OR1L3: variants seen among roughly 807,000 people sequenced by gnomAD.
OR1L3 encodes olfactory receptor family 1 subfamily L member 3, also known as olfactory receptor 1L3.
For missense variants in OR1L3, 374 were observed against 386.4 expected, an observed-to-expected ratio of 0.97 and a Z score of 0.27; for synonymous variants, 137 against 144.5, an observed-to-expected ratio of 0.95 and a Z score of 0.37.
chr9:122,676,008 CAA>C lies in OR1L3; in HGVS notation c.881_882del (p.Lys294ArgfsTer14), dbSNP rs1564233439. 1 of 1,613,776 alleles carries C rather than the reference CAA, an allele frequency of 6.2e-7. No homozygotes were observed. The highest frequency in any genetic ancestry group is 1.7e-5 in the Admixed American group (1 of 59,900). ...ACCCATTTATCTACAGTTTAAGAAA[CAA>C]AGACATGAAACGGGGCTTACAGAAA... ...LNPFIYSLRN[K>X]DMKRGLQKLI... On this transcript the variant is annotated frameshift_variant, in exon 1 of 1. Coordinates refer to ENST00000304820, the MANE Select transcript of OR1L3 (RefSeq NM_001005234.1). LOFTEE classifies it low-confidence loss of function (END_TRUNC).
In OR1L3 at chr9:122,675,378, G is replaced by T. The variant is rs1564233074; in HGVS notation, c.249G>T (p.Val83=). 6.2e-7 allele frequency: 1 copy of T among 1,614,066 alleles called. No homozygotes were observed. The highest frequency in any genetic ancestry group is 8.5e-7 in the Non-Finnish European group (1 of 1,180,038). The stretch of plus-strand genomic sequence containing the variant: ...CAGTCATAGTCCCAAAGATGCTCGT[G>T]AACTTCTTATCAGAGAAAAAGACCA... ...YTTVIVPKML[V]NFLSEKKTIS... The change falls in exon 1 of 1, where the codon GTG becomes GTT. Residue 83 remains valine (V), a synonymous_variant. Coordinates refer to ENST00000304820, the MANE Select transcript of OR1L3 (RefSeq NM_001005234.1).
At position 122,675,754 on chromosome 9, in the gene OR1L3, G is replaced by A. The variant is rs773493784; in HGVS notation, c.625G>A (p.Ala209Thr). 6.2e-7 allele frequency: 1 copy of A among 1,613,974 alleles called. No individual in the cohort carries two copies. The highest frequency in any genetic ancestry group is 1.7e-5 in the Admixed American group (1 of 59,984). Reference protein sequence around the residue: ...AMTEGLASVMAPFVCIIISYL... With the variant: ...AMTEGLASVMTPFVCIIISYL... ...GACAGAAGGGCTGGCCTCTGTGATG[G>A]CTCCATTTGTCTGTATCATCATCTC... The change falls in exon 1 of 1, where the codon GCT (alanine) becomes ACT (threonine). Residue 209 changes from alanine (A) to threonine (T), a missense_variant. Transcript: ENST00000304820.
In OR1L3 at chr9:122,675,737, G is replaced by C; in HGVS notation, c.608G>C (p.Gly203Ala). The C allele has an allele frequency of 1.2e-6, 2 of 1,614,106 alleles. No individual in the cohort carries two copies. Among genetic ancestry groups the C allele is most frequent in the African/African-American group, 2.7e-5 (2 of 75,020 alleles). The change falls in exon 1 of 1, where the codon GGG (glycine) becomes GCG (alanine). Residue 203 changes from glycine to alanine, a missense_variant. Transcript: ENST00000304820. ...FVNEIVAMTE[G>A]LASVMAPFVC... ...AATGAAATTGTGGCCATGACAGAAG[G>C]GCTGGCCTCTGTGATGGCTCCATTT...
At position 122,675,489 on chromosome 9, in the gene OR1L3, C is replaced by T. The variant is rs1300031542; in HGVS notation, c.360C>T (p.Ile120=). The change falls in exon 1 of 1, where the codon ATC becomes ATT. Residue 120 remains isoleucine (I), a synonymous_variant. Transcript: ENST00000304820. ...GTTATCTCCTGGCGGCTATGGCCAT[C>T]AACCGCTGTGTAGCCATTTGTAACC... ...IDSYLLAAMA[I]NRCVAICNPF... 6.2e-7 allele frequency: 1 copy of T among 1,614,118 alleles called. No homozygotes were observed. The highest frequency in any genetic ancestry group is 8.5e-7 in the Non-Finnish European group (1 of 1,180,052).
chr9:122,675,442 CT>C lies in OR1L3; in HGVS notation c.314del (p.Leu105ArgfsTer6). On this transcript the variant is annotated frameshift_variant, in exon 1 of 1. Coordinates refer to ENST00000304820, the MANE Select transcript of OR1L3 (RefSeq NM_001005234.1). LOFTEE classifies it low-confidence loss of function (END_TRUNC). ...ATGTCTGGCACAGATGTATTTCTTC[CT>C]GGTTTTTGGAAACATAGATAGTTAT... ...AECLAQMYFF[L>X]VFGNIDSYLL... is the part of the protein sequence containing the mutation. The C allele has an allele frequency of 6.2e-7, 1 of 1,614,194 alleles. No individual in the cohort carries two copies. Among genetic ancestry groups the C allele is most frequent in the Non-Finnish European group, 8.5e-7 (1 of 1,180,036 alleles).
In OR1L3 at chr9:122,675,137, T is replaced by C. The variant is rs1433702011; in HGVS notation, c.8T>C (p.Met3Thr). ...TTAGGTGAGTACAAGTCCATGGGAA[T>C]GTCCAACCTGACAAGACTCTCTGAA... The part of the protein sequence containing the change: MG[M>T]SNLTRLSEFI... Residue 3 changes from methionine (M) to threonine (T), a missense_variant, in exon 1 of 1, where the codon ATG becomes ACG. Coordinates refer to ENST00000304820, the MANE Select transcript of OR1L3 (RefSeq NM_001005234.1). 6.2e-7 allele frequency: 1 copy of C among 1,600,804 alleles called. No homozygotes were observed. Among genetic ancestry groups the C allele is most frequent in the South Asian group, 1.1e-5 (1 of 87,948 alleles).
chr9:122,676,017 G>A lies in OR1L3; in HGVS notation c.888G>A (p.Met296Ile), dbSNP rs375408609. ...TCTACAGTTTAAGAAACAAAGACAT[G>A]AAACGGGGCTTACAGAAATTGATAA... ...PFIYSLRNKD[M>I]KRGLQKLINK... Residue 296 changes from methionine (M) to isoleucine (I), a missense_variant, in exon 1 of 1, where the codon ATG becomes ATA. Coordinates refer to ENST00000304820, the MANE Select transcript of OR1L3 (RefSeq NM_001005234.1). 5.6e-6 allele frequency: 9 copies of A among 1,613,496 alleles called. No homozygotes were observed. The African/African-American group carries it at 6.7e-5, about 12-fold the overall frequency.
At position 122,675,221 on chromosome 9, in the gene OR1L3, T is replaced by G; in HGVS notation, c.92T>G (p.Phe31Cys). 2 of 1,614,142 alleles carry G rather than the reference T, an allele frequency of 1.2e-6. No homozygotes were observed. The highest frequency in any genetic ancestry group is 1.7e-6 in the Non-Finnish European group (2 of 1,180,008). Residue 31 changes from phenylalanine to cysteine, a missense_variant, in exon 1 of 1, where the codon TTT (phenylalanine) becomes TGT (cysteine). Transcript: ENST00000304820. Reference protein sequence around the residue: ...SEDQRPLFALFLIIYLVTLMG... With the variant: ...SEDQRPLFALCLIIYLVTLMG... The stretch of plus-strand genomic sequence containing the variant: ...GACCAGAGGCCACTCTTTGCCCTCT[T>G]TCTTATCATATACCTGGTCACTTTG...
chr9:122,675,349 A>G lies in OR1L3; in HGVS notation c.220A>G (p.Thr74Ala), dbSNP rs768097504. ...SILSFADICYTTVIVPKMLVN... is the reference protein window; with the variant it reads ...SILSFADICYATVIVPKMLVN... ...CTTGTCCTTTGCTGATATTTGCTACACAACAGTCATAGTCCCAAAGATGCT... is the reference window on the plus strand; with the variant it reads ...CTTGTCCTTTGCTGATATTTGCTACGCAACAGTCATAGTCCCAAAGATGCT... Residue 74 changes from threonine to alanine, a missense_variant, in exon 1 of 1, where the codon ACA (threonine) becomes GCA (alanine). Thr to Ala is a moderately conservative substitution (Grantham distance 58, BLOSUM62 0). Coordinates refer to ENST00000304820, the MANE Select transcript of OR1L3 (RefSeq NM_001005234.1). 1.9e-6 allele frequency: 3 copies of G among 1,614,230 alleles called. No individual in the cohort carries two copies. Among genetic ancestry groups the G allele is most frequent in the Non-Finnish European group, 2.5e-6 (3 of 1,180,032 alleles).
Position 122,675,839 on chromosome 9 carries a change from C to T in OR1L3, c.710C>T (p.Ala237Val). The change falls in exon 1 of 1, where the codon GCC (alanine) becomes GTC (valine). Residue 237 changes from alanine (A) to valine (V), a missense_variant. Ala to Val is a moderately conservative substitution (Grantham distance 64, BLOSUM62 0). Coordinates refer to ENST00000304820, the MANE Select transcript of OR1L3 (RefSeq NM_001005234.1). The stretch of plus-strand genomic sequence containing the variant: ...CCCTCAGCAGCTGGAAAACACAAAG[C>T]CTTCTCCACCTGCAGCTCCCATCTC... ...KIPSAAGKHK[A>V]FSTCSSHLTV... 1 of 1,614,150 alleles carries T rather than the reference C, an allele frequency of 6.2e-7. No homozygotes were observed. The highest frequency in any genetic ancestry group is 8.5e-7 in the Non-Finnish European group (1 of 1,180,028).
At position 122,675,466 on chromosome 9, in the gene OR1L3, T is replaced by A; in HGVS notation, c.337T>A (p.Tyr113Asn). The A allele has an allele frequency of 6.2e-7, 1 of 1,614,254 alleles. No homozygotes were observed. Among genetic ancestry groups the A allele is most frequent in the Non-Finnish European group, 8.5e-7 (1 of 1,180,050 alleles). The change falls in exon 1 of 1, where the codon TAT (tyrosine) becomes AAT (asparagine). Residue 113 changes from tyrosine to asparagine, a missense_variant. Transcript: ENST00000304820. ...CCTGGTTTTTGGAAACATAGATAGT[T>A]ATCTCCTGGCGGCTATGGCCATCAA... ...FFLVFGNIDSYLLAAMAINRC... is the reference protein window; with the variant it reads ...FFLVFGNIDSNLLAAMAINRC...
chr9:122,675,350 C>T lies in OR1L3; in HGVS notation c.221C>T (p.Thr74Ile). 6.2e-7 allele frequency: 1 copy of T among 1,614,216 alleles called. No individual in the cohort carries two copies. Among genetic ancestry groups the T allele is most frequent in the Admixed American group, 1.7e-5 (1 of 60,028 alleles). Residue 74 changes from threonine (T) to isoleucine (I), a missense_variant, in exon 1 of 1, where the codon ACA (threonine) becomes ATA (isoleucine). Transcript: ENST00000304820. ...TTGTCCTTTGCTGATATTTGCTACA[C>T]AACAGTCATAGTCCCAAAGATGCTC... ...SILSFADICY[T>I]TVIVPKMLVN...
At position 122,675,705 on chromosome 9, in the gene OR1L3, C is replaced by T. The variant is rs1587996679; in HGVS notation, c.576C>T (p.Thr192=). 1.9e-6 allele frequency: 3 copies of T among 1,614,084 alleles called. No individual in the cohort carries two copies. Among genetic ancestry groups the T allele is most frequent in the South Asian group, 1.1e-5 (1 of 91,078 alleles). Residue 192 remains threonine, a synonymous_variant, in exon 1 of 1, where the codon ACC becomes ACT. Transcript: ENST00000304820. ...NPVLKLSCSS[T]FVNEIVAMTE... ...TGCTGAAACTGTCCTGCTCCTCCAC[C>T]TTTGTCAATGAAATTGTGGCCATGA... is the stretch of plus-strand genomic sequence containing the variant.
Position 122,675,181 on chromosome 9 carries a change from T to C in OR1L3, c.52T>C (p.Ser18Pro). The change falls in exon 1 of 1, where the codon TCC (serine) becomes CCC (proline). Residue 18 changes from serine (S) to proline (P), a missense_variant. Transcript: ENST00000304820. ...RLSEFILLGLSSRSEDQRPLF... is the reference protein window; with the variant it reads ...RLSEFILLGLPSRSEDQRPLF... Reference sequence around the variant, plus strand: ...CTCTGAATTTATTCTCTTGGGACTCTCCTCTCGGTCTGAAGACCAGAGGCC... The same window carrying C: ...CTCTGAATTTATTCTCTTGGGACTCCCCTCTCGGTCTGAAGACCAGAGGCC... 6.2e-7 allele frequency: 1 copy of C among 1,613,748 alleles called. No homozygotes were observed. Among genetic ancestry groups the C allele is most frequent in the Non-Finnish European group, 8.5e-7 (1 of 1,179,846 alleles).
rs200356415 is a variant in OR1L3, at chr9:122,675,551, G to GTT, written c.423_424insTT (p.Val142LeufsTer5). The GTT allele has an allele frequency of 1.1e-3, 1,762 of 1,614,184 alleles. 31 individuals are homozygous for GTT. In the East Asian group the frequency reaches 0.033, roughly 30 times the overall value. On this transcript the variant is annotated frameshift_variant, in exon 1 of 1. Transcript: ENST00000304820. LOFTEE classifies it low-confidence loss of function (END_TRUNC). Reference sequence around the variant, plus strand: ...GTCACTGTTATGAACCGCAGATGCTGTGTGTTGCTACTAGCATTCCCCATC... The same window carrying GTT: ...GTCACTGTTATGAACCGCAGATGCTGTTTGTGTTGCTACTAGCATTCCCCATC...
chr9:122,675,936 G>A lies in OR1L3; in HGVS notation c.807G>A (p.Lys269=). 6.2e-7 allele frequency: 1 copy of A among 1,614,082 alleles called. No individual in the cohort carries two copies. Among genetic ancestry groups the A allele is most frequent in the Non-Finnish European group, 8.5e-7 (1 of 1,180,006 alleles). The part of the protein sequence containing the change: ...YLQPLSSYTV[K]DRIATINYTV... The stretch of plus-strand genomic sequence containing the variant: ...AGCCTTTGTCCAGCTATACTGTCAA[G>A]GACCGAATAGCAACAATCAACTACA... Residue 269 remains lysine, a synonymous_variant, in exon 1 of 1, where the codon AAG becomes AAA. Transcript: ENST00000304820.
rs1399740142 is a variant in OR1L3, at chr9:122,675,192, T to C, written c.63T>C (p.Ser21=). ...TTCTCTTGGGACTCTCCTCTCGGTC[T>C]GAAGACCAGAGGCCACTCTTTGCCC... ...EFILLGLSSR[S]EDQRPLFALF... Residue 21 remains serine (S), a synonymous_variant, in exon 1 of 1, where the codon TCT becomes TCC. Coordinates refer to ENST00000304820, the MANE Select transcript of OR1L3 (RefSeq NM_001005234.1). 1 of 1,613,986 alleles carries C rather than the reference T, an allele frequency of 6.2e-7. No individual in the cohort carries two copies. Among genetic ancestry groups the C allele is most frequent in the East Asian group, 2.2e-5 (1 of 44,880 alleles).
Position 122,675,820 on chromosome 9 carries a change from G to A in OR1L3, c.691G>A (p.Ala231Thr). 1 of 1,614,064 alleles carries A rather than the reference G, an allele frequency of 6.2e-7. No homozygotes were observed. The highest frequency in any genetic ancestry group is 8.5e-7 in the Non-Finnish European group (1 of 1,180,006). The change falls in exon 1 of 1, where the codon GCA becomes ACA. Residue 231 changes from alanine (A) to threonine (T), a missense_variant. Transcript: ENST00000304820. ...CATCGCTGTTCTCAAGATTCCCTCA[G>A]CAGCTGGAAAACACAAAGCCTTCTC... The part of the protein sequence containing the change: ...ILIAVLKIPS[A>T]AGKHKAFSTC...
Position 122,675,158 on chromosome 9 carries a change from C to T in OR1L3, c.29C>T (p.Ser10Phe). The T allele has an allele frequency of 1.2e-6, 2 of 1,610,320 alleles. No individual in the cohort carries two copies. Among genetic ancestry groups the T allele is most frequent in the Non-Finnish European group, 8.5e-7 (1 of 1,178,538 alleles). ...GGAATGTCCAACCTGACAAGACTCTCTGAATTTATTCTCTTGGGACTCTCC... is the reference window on the plus strand; with the variant it reads ...GGAATGTCCAACCTGACAAGACTCTTTGAATTTATTCTCTTGGGACTCTCC... The part of the protein sequence containing the change: MGMSNLTRL[S>F]EFILLGLSSR... Residue 10 changes from serine (S) to phenylalanine (F), a missense_variant, in exon 1 of 1, where the codon TCT (serine) becomes TTT (phenylalanine). Transcript: ENST00000304820.
Sources: gnomAD v4.1 joint callset for allele counts on GRCh38, gnomAD v4.1.1 for gene constraint, MANE v1.5 for transcripts, NCBI Gene and HGNC (gene_info 2026-07-23, HGNC 2026-07-21) for gene names.